The following USH2A variants were observed in gnomAD, a reference collection of about 807,000 sequenced individuals.
USH2A encodes usherin.
USH2A carries 443 observed loss-of-function variants against 538.9 expected under a neutral mutation model. That is an observed-to-expected ratio of 0.82 (90% CI 0.76 to 0.89). The LOEUF (loss-of-function observed/expected upper bound fraction) is 0.89. Ranked by LOEUF, USH2A falls within the 40% of genes least tolerant of loss-of-function variation. The probability of loss-of-function intolerance (pLI) is 0.00; values close to 1 mark genes in which losing one functional copy is unlikely to be tolerated. For missense variants in USH2A, 6,633 were observed against 6,324.8 expected (o/e 1.05, Z -1.65); for synonymous variants, 2,413 against 2,273.5 (o/e 1.06, Z -1.75).
chr1:215,862,380 C>G (rs1056094297), intron 44 of USH2A, among the ~76,000 whole-genome samples: 2 of 151,158 alleles, frequency 1.3e-5, no homozygotes, highest in South Asian at 2.1e-4. Flanking sequence ...CACTAGGACA[C>G]AGGAAGGGGA....
chr1:216,232,640 A>G (rs1410176286), intron 13 of USH2A, among the ~76,000 whole-genome samples: 1 of 152,202 alleles, frequency 6.6e-6, no homozygotes, highest in Non-Finnish European at 1.5e-5. Flanking sequence ...TTTTACTAAA[A>G]CAAAAGCTTG....
At position 215,799,141 on chromosome 1, in the gene USH2A, A is replaced by G; in HGVS notation, c.9740-16T>C. The G allele has an allele frequency of 6.2e-7, 1 of 1,608,568 alleles. No homozygotes were observed. Among genetic ancestry groups the G allele is most frequent in the Non-Finnish European group, 8.5e-7 (1 of 1,176,598 alleles). The stretch of plus-strand genomic sequence containing the variant: ...CATACTTCACCTGTCAATTTAGGAC[A>G]ATAATAATCATTACATCAGTTAAAA... On this transcript the variant is annotated splice_polypyrimidine_tract_variant and intron_variant, in intron 49 of 71. Transcript: ENST00000307340.
chr1:215,833,999 A>G (rs370855020), intron 47 of USH2A, among the ~76,000 whole-genome samples: 11 of 152,238 alleles, frequency 7.2e-5, no homozygotes, highest in African/African-American at 2.6e-4. Context: ...TAAGACCATA[A>G]TAACACACCA....
At chr1:215,810,247 T>C (rs1259034871) in intron 49 of USH2A, among the ~76,000 whole-genome samples, 1 of 152,202 alleles carries the variant, frequency 6.6e-6, no homozygotes, top group African/African-American at 2.4e-5. Context: ...ATCCTTGGTC[T>C]AAAAATTAAT....
At chr1:216,030,311 A>T (rs571692976) in intron 32 of USH2A, among the ~76,000 whole-genome samples, 1 of 137,228 alleles carries the variant, frequency 7.3e-6, no homozygotes, top group Non-Finnish European at 1.5e-5. Flanking sequence ...ATATAGATAT[A>T]TATCACAGAT....
chr1:215,673,080 A>G (rs1002538119), intron 63 of USH2A, among the ~76,000 whole-genome samples: 56 of 152,202 alleles, frequency 3.7e-4, no homozygotes, highest in African/African-American at 1.3e-3. Flanking sequence ...GCCCTGAATC[A>G]GTGTAAGGTA....
intron 61 of USH2A, among the ~76,000 whole-genome samples, chr1:215,699,403 T>C (rs1300164835): frequency 6.6e-6 from 1 of 152,212 alleles, no homozygotes; most frequent in African/African-American, 2.4e-5. Context: ...ATAAATTACT[T>C]TGGGCAGTAT....
At chr1:215,809,140 G>T (rs1224434372) in intron 49 of USH2A, among the ~76,000 whole-genome samples, 1 of 152,060 alleles carries the variant, frequency 6.6e-6, no homozygotes, top group Non-Finnish European at 1.5e-5. Flanking sequence ...ATCTTCCCCT[G>T]GGTAAAATAA....
At chr1:216,128,809 A>G (rs761621157) in intron 21 of USH2A, among the ~76,000 whole-genome samples, 2 of 152,064 alleles carry the variant, frequency 1.3e-5, no homozygotes, top group Non-Finnish European at 2.9e-5. Flanking sequence ...TGTTAATTAT[A>G]GTCACACTAT....
intron 61 of USH2A, among the ~76,000 whole-genome samples, chr1:215,691,076 G>T (rs189342021): frequency 1.5e-3 from 223 of 152,196 alleles, no homozygotes; most frequent in African/African-American, 5.1e-3. Flanking sequence ...TAGAGATGGG[G>T]TTTCATCATA....
chr1:215,638,030 C>T (rs1353601930), intron 69 of USH2A, among the ~76,000 whole-genome samples: 2 of 152,056 alleles, frequency 1.3e-5, no homozygotes, highest in East Asian at 1.9e-4. Flanking sequence ...AAATTGTACC[C>T]GTTGAGCTAA....
intron 4 of USH2A, among the ~76,000 whole-genome samples, chr1:216,345,926 C>T (rs896508670): frequency 1.3e-5 from 2 of 152,090 alleles, no homozygotes; most frequent in African/African-American, 2.4e-5. Context: ...AAATCTGCTG[C>T]TCTAGACTCC....
chr1:215,708,629 A>T (rs1168534246), intron 61 of USH2A, among the ~76,000 whole-genome samples: 1 of 152,124 alleles, frequency 6.6e-6, no homozygotes, highest in Non-Finnish European at 1.5e-5. Context: ...CACAACTTAG[A>T]TCCCTTGCGT....
chr1:215,981,567 C>T (rs563907166), intron 35 of USH2A, among the ~76,000 whole-genome samples: 1 of 152,192 alleles, frequency 6.6e-6, no homozygotes, highest in South Asian at 2.1e-4. Context: ...GGAGGCTTAA[C>T]AGCTAGTTCA....
chr1:216,179,876 TAA>T (rs2034459715), intron 20 of USH2A, among the ~76,000 whole-genome samples: 1 of 152,138 alleles, frequency 6.6e-6, no homozygotes, highest in Non-Finnish European at 1.5e-5. Flanking sequence ...AACAGTTCGT[TAA>T]GAGACAACAC....
At position 215,674,406 on chromosome 1, in the gene USH2A, C is replaced by A. The variant is rs1229472319; in HGVS notation, c.13505G>T (p.Gly4502Val). The change falls in exon 63 of 72, where the codon GGT (glycine) becomes GTT (valine). Residue 4502 changes from glycine to valine, a missense_variant. Transcript: ENST00000307340. Reference protein sequence around the residue: ...TRYRDFTLTPGVEYSYTVTAS... With the variant: ...TRYRDFTLTPVVEYSYTVTAS... ...AGTTACTGTGTAGCTATACTCCACA[C>A]CTGGGGTGAGAGTAAAATCACGATA... 1 of 1,613,994 alleles carries A rather than the reference C, an allele frequency of 6.2e-7. No homozygotes were observed. The highest frequency in any genetic ancestry group is 1.3e-5 in the African/African-American group (1 of 74,906).
At chr1:215,785,113 C>A (rs113481226) in intron 52 of USH2A, among the ~76,000 whole-genome samples, 2 of 152,046 alleles carry the variant, frequency 1.3e-5, no homozygotes, top group African/African-American at 4.8e-5. Flanking sequence ...ATCCAAATAA[C>A]GAGGCAAAGG....
intron 32 of USH2A, among the ~76,000 whole-genome samples, chr1:216,004,851 T>C (rs983467661): frequency 4.6e-5 from 7 of 152,158 alleles, no homozygotes; most frequent in African/African-American, 1.7e-4. Context: ...AGAGTTGAAC[T>C]TGGAACAGAG....
chr1:216,280,659 T>A (rs1039878138), intron 11 of USH2A, among the ~76,000 whole-genome samples: 1 of 152,070 alleles, frequency 6.6e-6, no homozygotes, highest in Non-Finnish European at 1.5e-5. Context: ...CTCAGAGCAT[T>A]ACTTTATGCC....
Sources: allele counts gnomAD v4.1 joint callset (sites outside exome capture counted in the v4.1 genomes callset), GRCh38; gene constraint gnomAD v4.1.1; transcripts MANE v1.5; gene names NCBI Gene and HGNC (gene_info 2026-07-23, HGNC 2026-07-21).